The following AANAT variants were observed in gnomAD, a reference collection of about 807,000 sequenced individuals.
The protein encoded by AANAT is serotonin N-acetyltransferase.
AANAT carries 11 observed loss-of-function variants against 15.6 expected under a neutral mutation model. The observed-to-expected ratio is 0.71, with a 90% confidence interval of 0.44 to 1.17. The LOEUF (loss-of-function observed/expected upper bound fraction) is 1.17, where lower values mean the gene tolerates loss of function less well. Among genes scored for constraint, AANAT ranks in the 50% most tolerant of loss-of-function variants. The pLI is 0.00. For missense variants in AANAT, 286 were observed against 296.3 expected (o/e 0.97, Z 0.26); for synonymous variants, 139 against 131.5 (o/e 1.06, Z -0.39).
chr17:76,462,010 T>C (rs1472781679), intron 2 of AANAT, among the ~76,000 whole-genome samples: 1 of 152,208 alleles, frequency 6.6e-6, no homozygotes, highest in Non-Finnish European at 1.5e-5. Context: ...GTGCCCCTCC[T>C]TCCTTGGGGA....
upstream of AANAT, among the ~76,000 whole-genome samples, chr17:76,465,280 C>CA (rs2073426881): frequency 6.6e-6 from 1 of 151,380 alleles, no homozygotes; most frequent in East Asian, 1.9e-4. Context: ...ACAGTGCAAT[C>CA]GGTGTCCCTG....
intron 1 of AANAT, 141 bp from the exon 2 acceptor site, chr17:76,468,531 C>G (rs2073465149): frequency 7.1e-6 from 5 of 702,992 alleles, no homozygotes; most frequent in Non-Finnish European, 9.3e-6. Context: ...CCTCGGGGAC[C>G]AGGTACCTGG....
chr17:76,456,740 C>T (rs1192823714), intron 1 of AANAT, among the ~76,000 whole-genome samples: 1 of 152,194 alleles, frequency 6.6e-6, no homozygotes, highest in Admixed American at 6.5e-5. Flanking sequence ...GATAACATAG[C>T]ATTTATTAAG....
rs1376098150 is a variant in AANAT, at chr17:76,469,704, C to T, written c.358C>T (p.His120Tyr). Reference sequence around the variant, plus strand: ...GCACAGGTCTGGGGGCCACATAGCCCACCTGCATGTGCTGGCCGTGCACCG... The same window carrying T: ...GCACAGGTCTGGGGGCCACATAGCCTACCTGCATGTGCTGGCCGTGCACCG... ...TLHRSGGHIA[H>Y]LHVLAVHRAF... The change falls in exon 4 of 4, where the codon CAC becomes TAC. Residue 120 changes from histidine to tyrosine, a missense_variant. By Grantham distance (83) the His-to-Tyr change is moderately conservative (BLOSUM62 2). Transcript: ENST00000392492. The surrounding 1 kb of genome is among the most constrained non-coding windows in gnomAD (Gnocchi z 5.2). The T allele has an allele frequency of 1.3e-6, 2 of 1,532,210 alleles. No individual in the cohort carries two copies. The highest frequency in any genetic ancestry group is 3.9e-5 in the Admixed American group (2 of 50,860). The allele number at this position is 1,532,210 out of a possible 1,614,324, so 94.9% of individuals were successfully genotyped here.
upstream of AANAT, among the ~76,000 whole-genome samples, chr17:76,465,718 G>A (rs1173471249): frequency 6.6e-6 from 1 of 152,028 alleles, no homozygotes; most frequent in African/African-American, 2.4e-5. Flanking sequence ...GTGGTGGTAT[G>A]TGGTTTTCTT....
rs373575518 is a variant in AANAT, at chr17:76,468,899, C to A, written c.153C>A (p.Ile51=). The A allele has an allele frequency of 3.7e-6, 6 of 1,613,156 alleles. No homozygotes were observed. Among genetic ancestry groups the A allele is most frequent in the Admixed American group, 3.3e-5 (2 of 59,994 alleles). Residue 51 remains isoleucine, a synonymous_variant, in exon 2 of 4, where the codon ATC becomes ATA. Coordinates refer to ENST00000392492, the MANE Select transcript of AANAT (RefSeq NM_001088.3). The part of the protein sequence containing the change: ...TPEDAVSAFE[I]EREAFISVLG... ...AGGACGCTGTCAGCGCCTTTGAGAT[C>A]GAGCGTGAAGGTGAGTGGCCCCGCA...
intron 1 of AANAT, among the ~76,000 whole-genome samples, chr17:76,455,379 G>T (rs983937152): frequency 6.6e-6 from 1 of 152,002 alleles, no homozygotes; most frequent in Non-Finnish European, 1.5e-5. Context: ...TGAACCTGGG[G>T]GTTGGAGGTT....
In AANAT at chr17:76,468,708, C is replaced by T. The variant is rs555562799; in HGVS notation, c.-39C>T. On this transcript the variant is annotated 5_prime_UTR_variant, in exon 2 of 4. Transcript: ENST00000392492. ...CCCTCCTTGGCTTAGGAGGACACTT[C>T]CAAAGCTGGGGCGCCCCAAGGAGGC... 2 of 1,585,896 alleles carry T rather than the reference C, an allele frequency of 1.3e-6. No homozygotes were observed. The highest frequency in any genetic ancestry group is 2.3e-5 in the East Asian group (1 of 43,622).
intron 1 of AANAT, among the ~76,000 whole-genome samples, chr17:76,456,212 T>C (rs1164472230): frequency 4.6e-5 from 7 of 151,106 alleles, no homozygotes. Flanking sequence ...ATGCCTGTAA[T>C]CCCAGCTACT....
intron 1 of AANAT, 123 bp from the exon 2 acceptor site, chr17:76,468,549 G>C (rs751281868): frequency 1.6e-4 from 126 of 804,356 alleles, no homozygotes; most frequent in Non-Finnish European, 2.1e-4. Context: ...TGGGGAATGT[G>C]CCCATTGATT....
chr17:76,455,019 C>T (rs1044727709), intron 1 of AANAT, among the ~76,000 whole-genome samples: 6 of 151,312 alleles, frequency 4.0e-5, no homozygotes, highest in African/African-American at 9.7e-5. Flanking sequence ...CCCAGCTACT[C>T]GGAAGGCTGA....
intron 2 of AANAT, among the ~76,000 whole-genome samples, chr17:76,461,590 A>G (rs1027774219): frequency 1.5e-4 from 21 of 143,204 alleles, no homozygotes; most frequent in Non-Finnish European, 2.9e-4. Flanking sequence ...CCTGGGTGAC[A>G]GAGTGAGCCT....
In AANAT at chr17:76,469,144, C is replaced by T; in HGVS notation, c.164-29C>T. On this transcript the variant is annotated intron_variant, in intron 2 of 3. Coordinates refer to ENST00000392492, the MANE Select transcript of AANAT (RefSeq NM_001088.3). The surrounding 1 kb of genome is among the most constrained non-coding windows in gnomAD (Gnocchi z 5.2). The stretch of plus-strand genomic sequence containing the variant: ...AGTGGACGCGAGGCACAGCGACTAC[C>T]AGTCACCCACCTGAGCCTCCTGCCA... 5 of 1,612,830 alleles carry T rather than the reference C, an allele frequency of 3.1e-6. No homozygotes were observed. In the South Asian group the frequency reaches 4.4e-5, roughly 14 times the overall value.
At chr17:76,455,627 A>T (rs199816194) in intron 1 of AANAT, among the ~76,000 whole-genome samples, 1 of 97,152 alleles carries the variant, frequency 1.0e-5, no homozygotes, top group African/African-American at 2.9e-5. Context: ...AAAGACTAGT[A>T]AGTTGGATAT....
chr17:76,469,466 CA>C lies in AANAT; in HGVS notation c.318+140del. On this transcript the variant is annotated intron_variant, in intron 3 of 3. Transcript: ENST00000392492. The surrounding 1 kb of genome is among the most constrained non-coding windows in gnomAD (Gnocchi z 5.2). ...ATGAGTACAGGCCACAGGCCCCTCCCAGAGCAAGACCTTCTGGGTCTTCAAG... is the reference window on the plus strand; with the variant it reads ...ATGAGTACAGGCCACAGGCCCCTCCCGAGCAAGACCTTCTGGGTCTTCAAG... The C allele has an allele frequency of 7.6e-7, 1 of 1,310,602 alleles. No individual in the cohort carries two copies. Among genetic ancestry groups the C allele is most frequent in the Non-Finnish European group, 1.0e-6 (1 of 965,250 alleles). The allele number at this position is 1,310,602 out of a possible 1,614,324, so 81.2% of individuals were successfully genotyped here.
chr17:76,469,988 G>T lies in AANAT; in HGVS notation c.*18G>T, dbSNP rs940308359. ...GCTGCTGAACTGGGCTGCCCACCTGGCTGCCAACATGATCCCCGTCTCTGC... is the reference window on the plus strand; with the variant it reads ...GCTGCTGAACTGGGCTGCCCACCTGTCTGCCAACATGATCCCCGTCTCTGC... On this transcript the variant is annotated 3_prime_UTR_variant, in exon 4 of 4. Coordinates refer to ENST00000392492, the MANE Select transcript of AANAT (RefSeq NM_001088.3). The surrounding 1 kb of genome is among the most constrained non-coding windows in gnomAD (Gnocchi z 5.2). 37 of 1,453,062 alleles carry T rather than the reference G, an allele frequency of 2.5e-5. No individual in the cohort carries two copies. The highest frequency in any genetic ancestry group is 3.2e-5 in the Non-Finnish European group (35 of 1,099,000). The allele number at this position is 1,453,062 out of a possible 1,614,324, so 90.0% of individuals were successfully genotyped here. A position where few individuals can be genotyped will look rare whatever the true frequency, so the allele number is the denominator to read the frequency against.
rs201200092 is a variant in AANAT at position 76,469,193 on chromosome 17, G to A, written c.184G>A (p.Val62Ile). The A allele has an allele frequency of 1.5e-4, 248 of 1,614,140 alleles. No homozygotes were observed. Among genetic ancestry groups the A allele is most frequent in the East Asian group, 5.3e-4 (24 of 44,886 alleles). ...EREAFISVLG[V>I]CPLYLDEIRH... ...CACAGCCTTCATCTCCGTCTTGGGC[G>A]TCTGCCCCCTGTACCTGGATGAGAT... The change falls in exon 3 of 4, where the codon GTC becomes ATC. Residue 62 changes from valine (V) to isoleucine (I), a missense_variant. Val to Ile is a conservative substitution (Grantham distance 29). Transcript: ENST00000392492. This position sits in a 1 kb window ranked among gnomAD's most constrained non-coding sequence, Gnocchi z 5.2.
intron 2 of AANAT, among the ~76,000 whole-genome samples, chr17:76,460,805 C>T (rs138874234): frequency 5.9e-5 from 9 of 152,210 alleles, no homozygotes; most frequent in African/African-American, 9.6e-5. Context: ...CTATCTAATA[C>T]GGCGATATTG....
chr17:76,469,701 G>C lies in AANAT; in HGVS notation c.355G>C (p.Ala119Pro). 6.5e-7 allele frequency: 1 copy of C among 1,529,720 alleles called. No homozygotes were observed. The highest frequency in any genetic ancestry group is 2.0e-5 in the Admixed American group (1 of 50,540). 94.8% of individuals were successfully genotyped at this position (1,529,720 alleles called of 1,614,324 possible). A position where few individuals can be genotyped will look rare whatever the true frequency, so the allele number is the denominator to read the frequency against. Residue 119 changes from alanine to proline, a missense_variant, in exon 4 of 4, where the codon GCC becomes CCC. Coordinates refer to ENST00000392492, the MANE Select transcript of AANAT (RefSeq NM_001088.3). The surrounding 1 kb of genome is among the most constrained non-coding windows in gnomAD (Gnocchi z 5.2). ...GCTGCACAGGTCTGGGGGCCACATAGCCCACCTGCATGTGCTGGCCGTGCA... is the reference window on the plus strand; with the variant it reads ...GCTGCACAGGTCTGGGGGCCACATACCCCACCTGCATGTGCTGGCCGTGCA... Reference protein sequence around the residue: ...LTLHRSGGHIAHLHVLAVHRA... With the variant: ...LTLHRSGGHIPHLHVLAVHRA...
Sources: gnomAD v4.1 joint callset for allele counts (sites outside exome capture counted in the v4.1 genomes callset) on GRCh38, gnomAD v4.1.1 for gene constraint, Gnocchi (gnomAD v3.1) non-coding constraint, MANE v1.5 for transcripts, NCBI Gene and HGNC (gene_info 2026-07-23, HGNC 2026-07-21) for gene names.